DNAJC10: variants seen among roughly 807,000 people sequenced by gnomAD.
DNAJC10 encodes endoplasmic reticulum disulfide reductase DNAJC10.
Under a neutral mutation model 115.0 loss-of-function variants are expected in DNAJC10, and 101 were observed. The ratio of observed to expected loss-of-function variants is 0.88; its 90% CI spans 0.75 to 1.04. The LOEUF (loss-of-function observed/expected upper bound fraction) is 1.04. Among genes scored for constraint, DNAJC10 ranks in the 50% least tolerant of loss-of-function variants. The probability of loss-of-function intolerance (pLI) is 0.00; values close to 1 mark genes in which losing one functional copy is unlikely to be tolerated. For synonymous variants in DNAJC10, 307 were observed against 301.5 expected, an observed-to-expected ratio of 1.02 and a Z score of -0.19; for missense variants, 981 against 928.8, an observed-to-expected ratio of 1.06 and a Z score of -0.73.
chr2:182,734,542 A>G (rs1299611744), intron 10 of DNAJC10, among the ~76,000 whole-genome samples: 1 of 151,746 alleles, frequency 6.6e-6, no homozygotes, highest in Non-Finnish European at 1.5e-5. Context: ...GAATCCTGTA[A>G]TTCACAGGTA....
intron 11 of DNAJC10, chr2:182,739,675 A>C (rs1334696764): frequency 9.5e-7 from 1 of 1,049,546 alleles, no homozygotes; most frequent in South Asian, 3.0e-5. Flanking sequence ...TTTAAATAAG[A>C]GACTCGGGCC....
At chr2:182,728,151 T>A (rs1298510378) in intron 5 of DNAJC10, among the ~76,000 whole-genome samples, 7 of 152,224 alleles carry the variant, frequency 4.6e-5, no homozygotes, top group Non-Finnish European at 1.5e-5. Flanking sequence ...CTGTGCTGCA[T>A]GTAATAGAAG....
chr2:182,725,675 A>G (rs956539457), intron 5 of DNAJC10, among the ~76,000 whole-genome samples: 20 of 152,192 alleles, frequency 1.3e-4, no homozygotes, highest in Non-Finnish European at 2.5e-4. Context: ...GAAGCTAGAA[A>G]AGGTTGGTTC....
chr2:182,782,463 A>C lies in DNAJC10; in HGVS notation c.*5331A>C, dbSNP rs1005384157. The C allele has an allele frequency of 1.4e-4, 21 of 152,074 alleles. No homozygotes were observed. Among genetic ancestry groups the C allele is most frequent in the Non-Finnish European group, 2.9e-5 (2 of 68,018 alleles). 9.4% of individuals were successfully genotyped at this position (152,074 alleles called of 1,614,324 possible). ...TTTTTCCAATTCTGTGAAGAAAGTC[A>C]ATGGTAGCTTGATGGGAATAGCATT... On this transcript the variant is annotated 3_prime_UTR_variant, in exon 24 of 24. Transcript: ENST00000264065.
intron 14 of DNAJC10, among the ~76,000 whole-genome samples, chr2:182,746,757 G>C (rs1452271369): frequency 6.6e-6 from 1 of 151,894 alleles, no homozygotes; most frequent in East Asian, 1.9e-4. Context: ...TGTCAATTTT[G>C]GCTTTTGTTG....
At chr2:182,754,710 A>C (rs1694112314) in intron 16 of DNAJC10, 6 of 1,093,580 alleles carry the variant, frequency 5.5e-6, no homozygotes, top group Non-Finnish European at 6.7e-6. Flanking sequence ...CAGGAGAGTA[A>C]AAAGGGACCA....
chr2:182,732,591 A>G (rs825660), intron 10 of DNAJC10, 49 bp downstream of exon 10: 990,884 of 1,540,820 alleles, frequency 0.64, 323,176 homozygotes, highest in African/African-American at 0.84. Flanking sequence ...AAAGAAACAC[A>G]TTTAGAAATT....
intron 17 of DNAJC10, among the ~76,000 whole-genome samples, chr2:182,755,586 T>C (rs909878469): frequency 1.3e-5 from 2 of 152,180 alleles, no homozygotes; most frequent in Admixed American, 1.3e-4. Flanking sequence ...TCTGACGTAA[T>C]GTTTTGTCTT....
Position 182,780,804 on chromosome 2 carries a change from T to A in DNAJC10, c.*3672T>A, listed in dbSNP as rs1327103703. The A allele has an allele frequency of 6.6e-6, 1 of 152,170 alleles. No homozygotes were observed. The highest frequency in any genetic ancestry group is 1.9e-4 in the East Asian group (1 of 5,192). The allele number at this position is 152,170 out of a possible 1,614,324, so 9.4% of individuals were successfully genotyped here. On this transcript the variant is annotated 3_prime_UTR_variant, in exon 24 of 24. Transcript: ENST00000264065. Reference sequence around the variant, plus strand: ...TACAGCCAAAGTCTCAACGCCAAACTGGTCTACATCAGTATGGACTCCAGA... The same window carrying A: ...TACAGCCAAAGTCTCAACGCCAAACAGGTCTACATCAGTATGGACTCCAGA...
intron 22 of DNAJC10, among the ~76,000 whole-genome samples, chr2:182,773,713 C>G (rs1008568496): frequency 6.6e-6 from 1 of 152,182 alleles, no homozygotes; most frequent in African/African-American, 2.4e-5. Context: ...ACTGTTTATT[C>G]TAGTTAGCCA....
intron 11 of DNAJC10, among the ~76,000 whole-genome samples, chr2:182,739,372 G>A (rs1452660249): frequency 6.6e-6 from 1 of 151,396 alleles, no homozygotes; most frequent in East Asian, 1.9e-4. Flanking sequence ...TGATTAAACT[G>A]TGGATTCCAT....
intron 16 of DNAJC10, among the ~76,000 whole-genome samples, chr2:182,753,863 T>C (rs1283619698): frequency 6.6e-6 from 1 of 152,182 alleles, no homozygotes; most frequent in South Asian, 2.1e-4. Context: ...ATTACAGGCA[T>C]GAGCCACTGC....
rs999869195 is a variant in DNAJC10, at chr2:182,727,851, A to G, written c.419-725A>G. On this transcript the variant is annotated intron_variant, in intron 5 of 23. Transcript: ENST00000264065. ...CATTTTTACAATGTTAAATTTTTTA[A>G]GTGAGTAAAATTTGTAATTTGCATC... 9.3e-4 allele frequency among the ~76,000 whole-genome samples: 141 copies of G among 152,320 alleles called. 1 individual carries two copies. The highest frequency in any genetic ancestry group is 3.2e-3 in the African/African-American group (134 of 41,582).
chr2:182,770,461 T>A (rs1001298980), intron 22 of DNAJC10, among the ~76,000 whole-genome samples: 3 of 152,194 alleles, frequency 2.0e-5, no homozygotes, highest in African/African-American at 7.2e-5. Flanking sequence ...GGAATATTCT[T>A]CCATTTGTTT....
chr2:182,771,334 G>T (rs1559027353), intron 22 of DNAJC10, among the ~76,000 whole-genome samples: 1 of 152,068 alleles, frequency 6.6e-6, no homozygotes, highest in Non-Finnish European at 1.5e-5. Flanking sequence ...GGATGATGTT[G>T]GCCTCATAAA....
chr2:182,755,918 T>C (rs984034060), intron 17 of DNAJC10, among the ~76,000 whole-genome samples: 4 of 152,180 alleles, frequency 2.6e-5, no homozygotes, highest in African/African-American at 9.7e-5. Context: ...AAAGGATAAA[T>C]AGACCTTGAT....
rs751667440 is a variant in DNAJC10, at chr2:182,759,317, ACCTGTCTTAAATAAGTTGTAGCCACATT to A, written c.2145+12_2145+39del. 1 of 1,603,436 alleles carries A rather than the reference ACCTGTCTTAAATAAGTTGTAGCCACATT, an allele frequency of 6.2e-7. No individual in the cohort carries two copies. Among genetic ancestry groups the A allele is most frequent in the South Asian group, 1.1e-5 (1 of 87,996 alleles). ...TGAGCTCTTGGCTAGGGTAAGTCATACCTGTCTTAAATAAGTTGTAGCCACATTCATGTTTTAGTAATTAGATAAAACA... is the reference window on the plus strand; with the variant it reads ...TGAGCTCTTGGCTAGGGTAAGTCATACATGTTTTAGTAATTAGATAAAACA... On this transcript the variant is annotated intron_variant, in intron 21 of 23. Coordinates refer to ENST00000264065, the MANE Select transcript of DNAJC10 (RefSeq NM_018981.4).
intron 21 of DNAJC10, 63 bp downstream of exon 21, chr2:182,759,370 A>C: frequency 6.8e-7 from 1 of 1,481,308 alleles, no homozygotes; most frequent in Non-Finnish European, 9.1e-7. Context: ...TAGATAAAAC[A>C]TTGTAAGTAT....
intron 10 of DNAJC10, among the ~76,000 whole-genome samples, chr2:182,734,304 G>C (rs933217003): frequency 6.6e-6 from 1 of 151,164 alleles, no homozygotes; most frequent in Non-Finnish European, 1.5e-5. Context: ...TTGATTATCA[G>C]TTTAAAATAT....
Sources: gnomAD v4.1 joint callset for allele counts (sites outside exome capture counted in the v4.1 genomes callset) on GRCh38, gnomAD v4.1.1 for gene constraint, MANE v1.5 for transcripts, NCBI Gene and HGNC (gene_info 2026-07-23, HGNC 2026-07-21) for gene names.